Variants in GRM5 observed in about 807,000 individuals in gnomAD.
GRM5 encodes metabotropic glutamate receptor 5.
In GRM5, 19 loss-of-function variants were observed where a neutral mutation model predicts 83.1. The ratio of observed to expected loss-of-function variants is 0.23; its 90% CI spans 0.16 to 0.34. The LOEUF is 0.34. Among genes scored for constraint, GRM5 ranks in the 10% least tolerant of loss-of-function variants. GRM5 has a pLI of 1.00. For missense variants in GRM5, 1,160 were observed against 1,588.3 expected, an observed-to-expected ratio of 0.73 and a Z score of 4.58; for synonymous variants, 675 against 633.6, an observed-to-expected ratio of 1.07 and a Z score of -0.98.
At chr11:88,588,948 A>G (rs918200217) in intron 7 of GRM5, among the ~76,000 whole-genome samples, 1 of 152,170 alleles carries the variant, frequency 6.6e-6, no homozygotes. Flanking sequence ...TAATGGAAAT[A>G]GTAATAATAA....
At chr11:88,796,132 T>C (rs560010845) in intron 3 of GRM5, among the ~76,000 whole-genome samples, 3 of 152,156 alleles carry the variant, frequency 2.0e-5, no homozygotes, top group African/African-American at 4.8e-5. Flanking sequence ...CAACGTAATT[T>C]AAAATAAGTA....
chr11:88,601,846 G>C (rs1370178315), intron 5 of GRM5, among the ~76,000 whole-genome samples: 3 of 152,096 alleles, frequency 2.0e-5, no homozygotes, highest in Non-Finnish European at 4.4e-5. Flanking sequence ...CTTTGAGATG[G>C]TTTCTATTCA....
chr11:88,728,898 A>T (rs926503474), intron 3 of GRM5, among the ~76,000 whole-genome samples: 5 of 152,210 alleles, frequency 3.3e-5, no homozygotes, highest in Non-Finnish European at 7.3e-5. Context: ...TATTTATGAC[A>T]AACTCACAGC....
rs781430828 is a variant in GRM5, at chr11:89,047,691, C to T, written c.182G>A (p.Arg61His). ...CACTCTCTGAATGCCATACTGTTCA[C>T]GGACCGCCCCACACTTCCTCTCATG... is the stretch of plus-strand genomic sequence containing the variant. ...KVHERKCGAVREQYGIQRVEA... is the reference protein window; with the variant it reads ...KVHERKCGAVHEQYGIQRVEA... The change falls in exon 2 of 10, where the codon CGT becomes CAT. Residue 61 changes from arginine to histidine, a missense_variant. This residue lies in a region of GRM5 where 71 missense variants were observed against 145.8 expected (regional missense o/e 0.49). Coordinates refer to ENST00000305447, the MANE Select transcript of GRM5 (RefSeq NM_001143831.3). This position sits in a 1 kb window ranked among gnomAD's most constrained non-coding sequence, Gnocchi z 5.1. 2 of 1,614,082 alleles carry T rather than the reference C, an allele frequency of 1.2e-6. No homozygotes were observed. The highest frequency in any genetic ancestry group is 1.7e-6 in the Non-Finnish European group (2 of 1,179,978).
chr11:88,837,461 C>G (rs954844519), intron 3 of GRM5, among the ~76,000 whole-genome samples: 4 of 152,290 alleles, frequency 2.6e-5, no homozygotes, highest in Admixed American at 2.0e-4. Flanking sequence ...CCACTTAGAA[C>G]AGTGCTTGTT....
At chr11:88,540,330 C>T (rs1205330205) in intron 8 of GRM5, among the ~76,000 whole-genome samples, 1 of 152,150 alleles carries the variant, frequency 6.6e-6, no homozygotes, top group African/African-American at 2.4e-5. Context: ...ACAAAAAAAG[C>T]TTTCTACATT....
At chr11:88,529,920 G>A (rs796195427) in intron 8 of GRM5, among the ~76,000 whole-genome samples, 1 of 151,958 alleles carries the variant, frequency 6.6e-6, no homozygotes, top group Non-Finnish European at 1.5e-5. Context: ...GGGCAAGGAA[G>A]TAAAAAGCTT....
chr11:88,643,985 A>C (rs1246452283), intron 4 of GRM5, among the ~76,000 whole-genome samples: 3 of 152,242 alleles, frequency 2.0e-5, no homozygotes, highest in Non-Finnish European at 2.9e-5. Flanking sequence ...CTTTAAGAGA[A>C]GAAGAAACAC....
chr11:88,700,346 G>A (rs1173720533), intron 3 of GRM5, among the ~76,000 whole-genome samples: 1 of 152,008 alleles, frequency 6.6e-6, no homozygotes, highest in African/African-American at 2.4e-5. Flanking sequence ...AGCATGATGG[G>A]CTCAAGAAGA....
intron 2 of GRM5, among the ~76,000 whole-genome samples, chr11:88,908,308 A>T (rs998902150): frequency 2.1e-4 from 32 of 152,132 alleles, no homozygotes; most frequent in Non-Finnish European, 4.1e-4. Flanking sequence ...TATTTTGAAA[A>T]TAATGGTCAT....
At chr11:88,751,826 CAT>C (rs2135428261) in intron 3 of GRM5, among the ~76,000 whole-genome samples, 1 of 152,212 alleles carries the variant, frequency 6.6e-6, no homozygotes, top group Admixed American at 6.5e-5. Context: ...TAATTCATCA[CAT>C]AAACAGAACT....
chr11:88,755,751 AAAT>A (rs1360504036), intron 3 of GRM5, among the ~76,000 whole-genome samples: 1 of 152,146 alleles, frequency 6.6e-6, no homozygotes, highest in Admixed American at 6.6e-5. Flanking sequence ...ACAGAGAATT[AAAT>A]AATTTTGAAT....
intron 2 of GRM5, among the ~76,000 whole-genome samples, chr11:88,952,953 G>T (rs34965781): frequency 6.6e-6 from 1 of 152,062 alleles, no homozygotes; most frequent in African/African-American, 2.4e-5. Flanking sequence ...ATATTTGAGC[G>T]TTTGGATAAT....
intron 3 of GRM5, among the ~76,000 whole-genome samples, chr11:88,751,084 A>AT (rs1318164541): frequency 4.0e-4 from 59 of 148,120 alleles, no homozygotes; most frequent in Middle Eastern, 3.4e-3. Flanking sequence ...AAAAAAAAAA[A>AT]AAAAAAAAAA....
At chr11:88,954,560 T>C (rs759068812) in intron 2 of GRM5, among the ~76,000 whole-genome samples, 6 of 152,238 alleles carry the variant, frequency 3.9e-5, no homozygotes, top group Non-Finnish European at 7.3e-5. Flanking sequence ...TCTGCAGTGA[T>C]AGAAATGGTC....
intron 2 of GRM5, among the ~76,000 whole-genome samples, chr11:88,946,101 G>C (rs976764968): frequency 2.6e-5 from 4 of 151,958 alleles, no homozygotes; most frequent in Non-Finnish European, 5.9e-5. Flanking sequence ...CTCCTAAAAA[G>C]AAAACATACA....
intron 3 of GRM5, among the ~76,000 whole-genome samples, chr11:88,749,180 C>T (rs1326382032): frequency 6.6e-6 from 1 of 151,992 alleles, no homozygotes; most frequent in Non-Finnish European, 1.5e-5. Flanking sequence ...TAACCTAATG[C>T]TAAGAAGGAA....
intron 3 of GRM5, among the ~76,000 whole-genome samples, chr11:88,712,711 A>G (rs1941310101): frequency 6.6e-6 from 1 of 152,052 alleles, no homozygotes; most frequent in Non-Finnish European, 1.5e-5. Flanking sequence ...CATGTCATTG[A>G]TAGTCAGACA....
chr11:88,924,580 T>C (rs1945754371), intron 2 of GRM5, among the ~76,000 whole-genome samples: 1 of 152,042 alleles, frequency 6.6e-6, no homozygotes, highest in African/African-American at 2.4e-5. Flanking sequence ...TGATCTCACT[T>C]ACATGTCGAT....
Sources: allele counts gnomAD v4.1 joint callset (sites outside exome capture counted in the v4.1 genomes callset), GRCh38; gene constraint gnomAD v4.1.1; regional missense constraint gnomAD v4.1.1; non-coding constraint Gnocchi (gnomAD v3.1); transcripts MANE v1.5; gene names NCBI Gene and HGNC (gene_info 2026-07-23, HGNC 2026-07-21).